Variants in TSHZ2 observed in about 807,000 individuals in gnomAD.
TSHZ2 encodes teashirt zinc finger homeobox 2.
TSHZ2 carries 21 observed loss-of-function variants against 74.4 expected under a neutral mutation model. The observed-to-expected ratio is 0.28, with a 90% CI of 0.20 to 0.41. The LOEUF is 0.41. TSHZ2 is among the 10% of genes least tolerant of loss of function. The pLI, the probability that TSHZ2 is intolerant of heterozygous loss-of-function variation, is 1.00. For missense variants in TSHZ2, 1,244 were observed against 1,293.5 expected (o/e 0.96, Z 0.59); for synonymous variants, 540 against 515.3 (o/e 1.05, Z -0.65).
chr20:53,398,498 C>T (rs139482744), intron 2 of TSHZ2: 2 of 152,328 alleles, frequency 1.3e-5, no homozygotes, highest in East Asian at 3.9e-4. Context: ...TGCCTGTACT[C>T]CCATCATCTT....
At chr20:53,395,421 C>T (rs190460033) in intron 2 of TSHZ2, among the ~76,000 whole-genome samples, 7 of 152,296 alleles carry the variant, frequency 4.6e-5, no homozygotes, top group African/African-American at 9.6e-5. Context: ...AGGTTTCCTA[C>T]GTTTATTTCC....
chr20:53,245,933 T>G (rs765380111), intron 1 of TSHZ2, among the ~76,000 whole-genome samples: 1 of 152,218 alleles, frequency 6.6e-6, no homozygotes, highest in African/African-American at 2.4e-5. Context: ...GGGTCTCAGA[T>G]GTATTTAGTT....
chr20:53,272,249 G>A (rs1421811563), intron 2 of TSHZ2, among the ~76,000 whole-genome samples: 7 of 152,086 alleles, frequency 4.6e-5, no homozygotes, highest in African/African-American at 1.7e-4. Flanking sequence ...TAACTTCATG[G>A]TCTGCCTGCC....
At chr20:53,154,900 CATTT>C (rs1987757372) in intron 1 of TSHZ2, among the ~76,000 whole-genome samples, 1 of 152,028 alleles carries the variant, frequency 6.6e-6, no homozygotes, top group Non-Finnish European at 1.5e-5. Context: ...TATTGACATG[CATTT>C]AATTAGTTCT....
chr20:53,360,141 G>GA (rs1402150036), intron 2 of TSHZ2, among the ~76,000 whole-genome samples: 3 of 152,130 alleles, frequency 2.0e-5, no homozygotes, highest in South Asian at 2.1e-4. Context: ...GCATCTTAAT[G>GA]AAAAAATCAA....
chr20:53,401,895 G>T (rs983497566), intron 2 of TSHZ2, among the ~76,000 whole-genome samples: 2 of 145,464 alleles, frequency 1.4e-5, no homozygotes, highest in Non-Finnish European at 3.0e-5. Context: ...CCATTCTCCT[G>T]CCTCAGCCTC....
At chr20:53,415,393 T>C (rs1983201132) in intron 2 of TSHZ2, among the ~76,000 whole-genome samples, 1 of 152,098 alleles carries the variant, frequency 6.6e-6, no homozygotes. Flanking sequence ...ATCGCTCTGC[T>C]CTCCACTGGG....
intron 1 of TSHZ2, among the ~76,000 whole-genome samples, chr20:53,072,978 C>T (rs1162811085): frequency 1.1e-4 from 17 of 151,082 alleles, no homozygotes; most frequent in African/African-American, 4.1e-4. Context: ...TCCCTCCATC[C>T]ATCCCTCCCT....
chr20:53,138,121 G>A (rs926618600), intron 1 of TSHZ2, among the ~76,000 whole-genome samples: 1 of 152,150 alleles, frequency 6.6e-6, no homozygotes, highest in Admixed American at 6.5e-5. Context: ...AGTGGCTCAT[G>A]CCTGTAATCC....
chr20:53,012,282 T>C (rs1982877304), intron 1 of TSHZ2, among the ~76,000 whole-genome samples: 1 of 152,162 alleles, frequency 6.6e-6, no homozygotes, highest in Non-Finnish European at 1.5e-5. Flanking sequence ...CGTTCTTGTT[T>C]CCCGTCTCTG....
At chr20:53,203,491 T>TG (rs1438029472) in intron 1 of TSHZ2, among the ~76,000 whole-genome samples, 1 of 151,984 alleles carries the variant, frequency 6.6e-6, no homozygotes, top group African/African-American at 2.4e-5. Flanking sequence ...TGATTTGGCA[T>TG]GGGGGTCTCA....
chr20:53,197,064 C>T (rs955234222), intron 1 of TSHZ2, among the ~76,000 whole-genome samples: 14 of 152,218 alleles, frequency 9.2e-5, no homozygotes, highest in African/African-American at 3.4e-4. Flanking sequence ...CAGCCCCATC[C>T]TCGTTTTCAT....
At chr20:53,471,848 C>T (rs1217504374) in intron 2 of TSHZ2, among the ~76,000 whole-genome samples, 1 of 149,314 alleles carries the variant, frequency 6.7e-6, no homozygotes, top group Non-Finnish European at 1.5e-5. Flanking sequence ...CTCTTGTTGC[C>T]CAGGCTGGAG....
At chr20:53,480,161 T>C (rs1986112693) in intron 2 of TSHZ2, among the ~76,000 whole-genome samples, 2 of 151,054 alleles carry the variant, frequency 1.3e-5, no homozygotes. Context: ...CTCCACCTGC[T>C]GGGTTCAAAT....
At chr20:53,111,956 C>T (rs867019035) in intron 1 of TSHZ2, among the ~76,000 whole-genome samples, 6 of 152,170 alleles carry the variant, frequency 3.9e-5, no homozygotes, top group Non-Finnish European at 7.3e-5. Context: ...GTGCTGCCAC[C>T]GCCTTGCCCC....
chr20:53,443,238 A>AAT (rs1233554950), intron 2 of TSHZ2, among the ~76,000 whole-genome samples: 1 of 152,116 alleles, frequency 6.6e-6, no homozygotes, highest in Non-Finnish European at 1.5e-5. Context: ...AATGCCATGA[A>AAT]ATATATATAT....
Position 53,254,929 on chromosome 20 carries a change from C to A in TSHZ2, c.1471C>A (p.Pro491Thr), listed in dbSNP as rs754941420. The A allele has an allele frequency of 1.1e-5, 18 of 1,613,792 alleles. No homozygotes were observed. Among genetic ancestry groups the A allele is most frequent in the East Asian group, 2.2e-5 (1 of 44,900 alleles). ...GGACTATGAAGATCCTCTACAAAAA[C>A]CTTTAGACCCTACAATCAAATATCA... ...SEDYEDPLQK[P>T]LDPTIKYQYL... The change falls in exon 2 of 3, where the codon CCT becomes ACT. Residue 491 changes from proline (P) to threonine (T), a missense_variant. Coordinates refer to ENST00000371497, the MANE Select transcript of TSHZ2 (RefSeq NM_173485.6).
At chr20:53,404,148 G>A in intron 2 of TSHZ2, among the ~76,000 whole-genome samples, 1 of 152,050 alleles carries the variant, frequency 6.6e-6, no homozygotes, top group East Asian at 1.9e-4. Flanking sequence ...TTTTAAAACA[G>A]CAGGACTAAA....
chr20:53,012,827 C>A (rs6126720), intron 1 of TSHZ2, among the ~76,000 whole-genome samples: 9,528 of 152,202 alleles, frequency 0.063, 298 homozygotes, highest in East Asian at 0.087. Flanking sequence ...GTCCCTCGCA[C>A]CTGCCACTTC....
Sources: gnomAD v4.1 joint callset for allele counts (sites outside exome capture counted in the v4.1 genomes callset) on GRCh38, gnomAD v4.1.1 for gene constraint, MANE v1.5 for transcripts, NCBI Gene and HGNC (gene_info 2026-07-23, HGNC 2026-07-21) for gene names.